GALNT14: variants seen among roughly 807,000 people sequenced by gnomAD.
GALNT14 encodes the protein polypeptide N-acetylgalactosaminyltransferase 14.
In GALNT14, 60 loss-of-function variants were observed where a neutral mutation model predicts 77.5. The ratio of observed to expected loss-of-function variants is 0.77; its 90% confidence interval spans 0.63 to 0.96. The LOEUF (loss-of-function observed/expected upper bound fraction) is 0.96. Ranked by LOEUF, GALNT14 falls within the 40% of genes least tolerant of loss-of-function variation. GALNT14 has a pLI of 0.00. For synonymous variants in GALNT14, 280 were observed against 281.7 expected, an observed-to-expected ratio of 0.99 and a Z score of 0.06; for missense variants, 710 against 731.0, an observed-to-expected ratio of 0.97 and a Z score of 0.33.
At chr2:30,922,574 C>A (rs1210274637) in intron 13 of GALNT14, among the ~76,000 whole-genome samples, 1 of 152,238 alleles carries the variant, frequency 6.6e-6, no homozygotes, top group Non-Finnish European at 1.5e-5. Context: ...CTGGGCCACC[C>A]TTTCTTCCCT....
chr2:30,976,139 A>G (rs1668611486), intron 2 of GALNT14, among the ~76,000 whole-genome samples: 1 of 152,158 alleles, frequency 6.6e-6, no homozygotes, highest in South Asian at 2.1e-4. Flanking sequence ...AAGGCCAGAC[A>G]TCTCCCACTC....
chr2:30,910,888 C>G lies in GALNT14; in HGVS notation c.*13G>C. 5.0e-6 allele frequency: 8 copies of G among 1,613,012 alleles called. No individual in the cohort carries two copies. Among genetic ancestry groups the G allele is most frequent in the Non-Finnish European group, 6.8e-6 (8 of 1,179,566 alleles). On this transcript the variant is annotated 3_prime_UTR_variant, in exon 15 of 15. Transcript: ENST00000349752. ...CACCACCCCATGGCCCTTGCTGCTTCTGGCAGGGGTCCTCAAGAGCTCACC... is the reference window on the plus strand; with the variant it reads ...CACCACCCCATGGCCCTTGCTGCTTGTGGCAGGGGTCCTCAAGAGCTCACC...
At chr2:31,017,299 T>C (rs571501031) in intron 1 of GALNT14, among the ~76,000 whole-genome samples, 1 of 152,330 alleles carries the variant, frequency 6.6e-6, no homozygotes, top group African/African-American at 2.4e-5. Context: ...CCACTCAGCA[T>C]ATACCTGCCA....
At chr2:31,058,344 G>A (rs1010679392) in intron 1 of GALNT14, among the ~76,000 whole-genome samples, 1 of 152,150 alleles carries the variant, frequency 6.6e-6, no homozygotes, top group Non-Finnish European at 1.5e-5. Context: ...TGTGCGTCAA[G>A]CGGAGAGCAG....
At chr2:30,968,278 T>C (rs1668132606) in intron 2 of GALNT14, among the ~76,000 whole-genome samples, 1 of 152,222 alleles carries the variant, frequency 6.6e-6, no homozygotes, top group Admixed American at 6.5e-5. Flanking sequence ...CTCTTCTAGC[T>C]TTCTAAGGTG....
chr2:30,900,272 G>C, the GALNT14 span, among the ~76,000 whole-genome samples: 1 of 152,150 alleles, frequency 6.6e-6, no homozygotes, highest in Non-Finnish European at 1.5e-5. Context: ...CTCTACTGAA[G>C]TGTTAAAGAC....
rs1445403025 is a variant in GALNT14, at chr2:30,942,282, G to A, written c.850C>T (p.Leu284Phe). The A allele has an allele frequency of 1.9e-6, 3 of 1,613,954 alleles. No individual in the cohort carries two copies. Among genetic ancestry groups the A allele is most frequent in the East Asian group, 2.2e-5 (1 of 44,876 alleles). The change falls in exon 9 of 15, where the codon CTC (leucine) becomes TTC (phenylalanine). Residue 284 changes from leucine to phenylalanine, a missense_variant. Coordinates refer to ENST00000349752, the MANE Select transcript of GALNT14 (RefSeq NM_024572.4). ...AACCAAGCTTTGTCGATCACGAAGA[G>A]CCCTCCAGCTATGATAGGAGTCCTG... ...PIRTPIIAGG[L>F]FVIDKAWFDY...
Position 31,098,710 on chromosome 2 carries a change from C to T in GALNT14, c.129+39248G>A, listed in dbSNP as rs150983310. Among the ~76,000 whole-genome samples, 18 of 152,022 alleles carry T rather than the reference C, an allele frequency of 1.2e-4. No homozygotes were observed. In the East Asian group the frequency reaches 2.7e-3, roughly 23 times the overall value. On this transcript the variant is annotated intron_variant, in intron 1 of 14. Coordinates refer to ENST00000349752, the MANE Select transcript of GALNT14 (RefSeq NM_024572.4). ...ATAACTTTTGACAAAACTTAACTAC[C>T]GATAGCCTATTGTTCACCAGAAGAC... is the stretch of plus-strand genomic sequence containing the variant.
At chr2:30,889,139 G>A in the GALNT14 span, among the ~76,000 whole-genome samples, 1 of 151,998 alleles carries the variant, frequency 6.6e-6, no homozygotes, top group African/African-American at 2.4e-5. Flanking sequence ...TTAGCCACCC[G>A]GATTTATTAT....
intron 6 of GALNT14, among the ~76,000 whole-genome samples, chr2:30,951,395 AG>A (rs1418343817): frequency 3.9e-5 from 6 of 152,336 alleles, no homozygotes; most frequent in African/African-American, 1.4e-4. Flanking sequence ...AAATCCACTG[AG>A]ACAGAGAGCG....
intron 13 of GALNT14, among the ~76,000 whole-genome samples, chr2:30,915,436 C>T (rs748220307): frequency 5.9e-5 from 9 of 152,082 alleles, no homozygotes; most frequent in South Asian, 2.1e-4. Flanking sequence ...AACTTAGCCT[C>T]GTCATGTCCC....
intron 1 of GALNT14, among the ~76,000 whole-genome samples, chr2:31,004,439 G>A (rs1376589320): frequency 2.0e-5 from 3 of 152,220 alleles, no homozygotes; most frequent in East Asian, 1.9e-4. Context: ...GTGACTCAGA[G>A]AGGGCAGCTT....
chr2:30,949,943 C>T (rs1413768352), intron 6 of GALNT14, among the ~76,000 whole-genome samples: 1 of 152,180 alleles, frequency 6.6e-6, no homozygotes, highest in East Asian at 1.9e-4. Context: ...TGGGGAAAGA[C>T]AAGGACAGCT....
chr2:30,946,625 T>A (rs1466845097), intron 6 of GALNT14, among the ~76,000 whole-genome samples: 1 of 152,176 alleles, frequency 6.6e-6, no homozygotes, highest in African/African-American at 2.4e-5. Context: ...AAACCTCATT[T>A]CTTCTATAAA....
At chr2:31,006,233 C>G (rs1670665347) in intron 1 of GALNT14, among the ~76,000 whole-genome samples, 1 of 152,064 alleles carries the variant, frequency 6.6e-6, no homozygotes, top group Non-Finnish European at 1.5e-5. Context: ...CAAAGATAAC[C>G]TTGAGAGAAA....
chr2:30,937,852 T>C (rs1193429403), intron 9 of GALNT14, among the ~76,000 whole-genome samples: 1 of 152,176 alleles, frequency 6.6e-6, no homozygotes, highest in South Asian at 2.1e-4. Flanking sequence ...CTCCCTACTA[T>C]GGGGATCAGT....
At chr2:30,959,613 G>C (rs1226902598) in intron 3 of GALNT14, among the ~76,000 whole-genome samples, 2 of 152,206 alleles carry the variant, frequency 1.3e-5, no homozygotes, top group Admixed American at 1.3e-4. Flanking sequence ...GCAAATTAAA[G>C]GAGAAAGTGT....
intron 11 of GALNT14, among the ~76,000 whole-genome samples, chr2:30,927,751 T>C (rs980003864): frequency 1.3e-5 from 2 of 151,122 alleles, no homozygotes; most frequent in African/African-American, 4.9e-5. Flanking sequence ...CTGGGAAGAG[T>C]GGAGGTTTAA....
the GALNT14 span, among the ~76,000 whole-genome samples, chr2:30,903,506 T>C: frequency 2.6e-5 from 4 of 152,258 alleles, no homozygotes; most frequent in Non-Finnish European, 5.9e-5. Flanking sequence ...CAAGCAGTGA[T>C]GCTGGAGAGG....
Sources: gnomAD v4.1 joint callset for allele counts (sites outside exome capture counted in the v4.1 genomes callset) on GRCh38, gnomAD v4.1.1 for gene constraint, MANE v1.5 for transcripts, NCBI Gene and HGNC (gene_info 2026-07-23, HGNC 2026-07-21) for gene names.